The following KCNK9 variants were observed in gnomAD, a reference collection of about 807,000 sequenced individuals.
KCNK9 encodes potassium channel subfamily K member 9.
Under a neutral mutation model 10.8 loss-of-function variants are expected in KCNK9, and 1 was observed. The ratio of observed to expected loss-of-function variants is 0.09; its 90% CI spans 0.03 to 0.44. The LOEUF is 0.44. Ranked by LOEUF, KCNK9 falls within the 20% of genes least tolerant of loss-of-function variation. KCNK9 has a pLI of 0.97. For synonymous variants in KCNK9, 231 were observed against 222.7 expected (o/e 1.04, Z -0.33); for missense variants, 303 against 515.0 (o/e 0.59, Z 3.98).
rs760424204 is a variant in KCNK9, at chr8:139,679,167, G to A, written c.283+23543C>T. ...CAACGGGCCCAGCTAAAAATACCAG[G>A]AGTGGCCACGTGACCCACTTCCAGC... On this transcript the variant is annotated intron_variant, in intron 1 of 1. Transcript: ENST00000520439. Among the ~76,000 whole-genome samples, 173 of 152,218 alleles carry A rather than the reference G, an allele frequency of 1.1e-3. 4 individuals carry two copies. Among genetic ancestry groups the A allele is most frequent in the Non-Finnish European group, 4.0e-4 (27 of 68,036 alleles).
At chr8:139,626,701 C>T (rs1000961620) in intron 1 of KCNK9, among the ~76,000 whole-genome samples, 10 of 152,290 alleles carry the variant, frequency 6.6e-5, no homozygotes, top group African/African-American at 2.2e-4. Flanking sequence ...CTGCCCAGCA[C>T]CGGAAGGAGA....
In KCNK9 at chr8:139,618,129, G is replaced by T; in HGVS notation, c.*129C>A. The T allele has an allele frequency of 7.6e-7, 1 of 1,313,122 alleles. No individual in the cohort carries two copies. Among genetic ancestry groups the T allele is most frequent in the South Asian group, 1.3e-5 (1 of 76,006 alleles). 81.3% of individuals were successfully genotyped at this position (1,313,122 alleles called of 1,614,324 possible). ...AAAATGAGACCAAGAGACCAAGAAA[G>T]GAGGAAGGAGAGAAAGTAATAATGA... On this transcript the variant is annotated 3_prime_UTR_variant, in exon 2 of 2. Transcript: ENST00000520439. The surrounding 1 kb of genome is among the most constrained non-coding windows in gnomAD (Gnocchi z 7.9).
At chr8:139,634,482 C>T (rs1433281848) in intron 1 of KCNK9, among the ~76,000 whole-genome samples, 1 of 152,186 alleles carries the variant, frequency 6.6e-6, no homozygotes. Flanking sequence ...GCTGGCCCTG[C>T]AGGATGGCAC....
rs1247436713 is a variant in KCNK9, at chr8:139,693,701, C to A, written c.283+9009G>T. 6.6e-6 allele frequency among the ~76,000 whole-genome samples: 1 copy of A among 152,124 alleles called. No individual in the cohort carries two copies. The highest frequency in any genetic ancestry group is 2.4e-5 in the African/African-American group (1 of 41,418). On this transcript the variant is annotated intron_variant, in intron 1 of 1. Coordinates refer to ENST00000520439, the MANE Select transcript of KCNK9 (RefSeq NM_001282534.2). The surrounding 1 kb of genome is among the most constrained non-coding windows in gnomAD (Gnocchi z 4.1). ...AATTGGGGAAAAGAGGAAGGCAGAG[C>A]CGGACTCAGGGCAGAAGGTGTGGGA...
intron 1 of KCNK9, among the ~76,000 whole-genome samples, chr8:139,620,985 A>G (rs1814759282): frequency 6.6e-6 from 1 of 152,206 alleles, no homozygotes; most frequent in Admixed American, 6.5e-5. Flanking sequence ...ATAATGGCCA[A>G]AAGTAGCCAA....
intron 1 of KCNK9, among the ~76,000 whole-genome samples, 200 bp from the exon 2 acceptor site, chr8:139,619,299 T>C (rs1297976246): frequency 6.6e-6 from 1 of 151,236 alleles, no homozygotes; most frequent in Non-Finnish European, 1.5e-5. Context: ...AGAAGTCACA[T>C]GAGGTTAGGG....
chr8:139,626,598 G>A lies in KCNK9; in HGVS notation c.284-7499C>T, dbSNP rs533986063. Among the ~76,000 whole-genome samples the A allele has an allele frequency of 3.3e-5, 5 of 152,284 alleles. No homozygotes were observed. In the East Asian group the frequency reaches 9.7e-4, roughly 30 times the overall value. ...CTGTCACTGCAACCCCAGTCTCCCAGGGAGCCTGGCTATTCCAGGAGCTGG... is the reference window on the plus strand; with the variant it reads ...CTGTCACTGCAACCCCAGTCTCCCAAGGAGCCTGGCTATTCCAGGAGCTGG... On this transcript the variant is annotated intron_variant, in intron 1 of 1. Coordinates refer to ENST00000520439, the MANE Select transcript of KCNK9 (RefSeq NM_001282534.2).
chr8:139,669,108 C>G (rs1463386962), intron 1 of KCNK9, among the ~76,000 whole-genome samples: 4 of 112,238 alleles, frequency 3.6e-5, no homozygotes, highest in African/African-American at 1.2e-4. Flanking sequence ...ATTAAAAGTA[C>G]TCTACTGCTA....
At chr8:139,675,594 T>C (rs9324512) in intron 1 of KCNK9, among the ~76,000 whole-genome samples, 84,974 of 151,876 alleles carry the variant, frequency 0.56, 23,923 homozygotes, top group Admixed American at 0.6. Context: ...GATCTCAGCT[T>C]TCCAGCCTCC....
In KCNK9 at chr8:139,678,731, C is replaced by T. The variant is rs1032927053; in HGVS notation, c.283+23979G>A. 5.3e-5 allele frequency among the ~76,000 whole-genome samples: 8 copies of T among 152,212 alleles called. 1 individual carries two copies. The highest frequency in any genetic ancestry group is 1.2e-4 in the Non-Finnish European group (8 of 68,032). On this transcript the variant is annotated intron_variant, in intron 1 of 1. Transcript: ENST00000520439. The stretch of plus-strand genomic sequence containing the variant: ...TGGGTGGGCTGTTCTGGCCCCCAGA[C>T]CTCACCTGGCCAGGGCTGAAGGCCA...
At chr8:139,686,781 T>G (rs1023484895) in intron 1 of KCNK9, among the ~76,000 whole-genome samples, 1 of 152,232 alleles carries the variant, frequency 6.6e-6, no homozygotes, top group African/African-American at 2.4e-5. Context: ...ATGTGTGTTT[T>G]GTGTATAACT....
chr8:139,663,372 C>T (rs1816212345), intron 1 of KCNK9, among the ~76,000 whole-genome samples: 1 of 152,036 alleles, frequency 6.6e-6, no homozygotes, highest in Admixed American at 6.5e-5. Context: ...CAGGTGGTCA[C>T]ATGCTCTCGG....
Position 139,664,543 on chromosome 8 carries a change from G to A in KCNK9, c.283+38167C>T, listed in dbSNP as rs533394794. Among the ~76,000 whole-genome samples the A allele has an allele frequency of 5.9e-5, 9 of 152,092 alleles. No individual in the cohort carries two copies. In the South Asian group the frequency reaches 6.2e-4, roughly 11 times the overall value. ...GCCCCCCAACAAACCTAGTTTCACC[G>A]AATTGAGAATCCAGAAGACGCTTAG... On this transcript the variant is annotated intron_variant, in intron 1 of 1. Transcript: ENST00000520439.
In KCNK9 at chr8:139,683,079, A is replaced by T. The variant is rs112627466; in HGVS notation, c.283+19631T>A. The stretch of plus-strand genomic sequence containing the variant: ...TCCCTTCTAAATTTTAAAAAGCAAG[A>T]TCCCAGCTTACAGCAAATGTCCACC... On this transcript the variant is annotated intron_variant, in intron 1 of 1. Coordinates refer to ENST00000520439, the MANE Select transcript of KCNK9 (RefSeq NM_001282534.2). 5.8e-3 allele frequency among the ~76,000 whole-genome samples: 885 copies of T among 152,286 alleles called. 3 individuals carry two copies. The highest frequency in any genetic ancestry group is 0.017 in the Middle Eastern group (5 of 294).
rs372184565 is a variant in KCNK9, at chr8:139,649,295, T to C, written c.284-30196A>G. On this transcript the variant is annotated intron_variant, in intron 1 of 1. Coordinates refer to ENST00000520439, the MANE Select transcript of KCNK9 (RefSeq NM_001282534.2). ...GCCTGAGTGGCGCGTCAGAAGCGTGTATTTAATTATGTAAGCCCTGAAGCC... is the reference window on the plus strand; with the variant it reads ...GCCTGAGTGGCGCGTCAGAAGCGTGCATTTAATTATGTAAGCCCTGAAGCC... 1.1e-3 allele frequency among the ~76,000 whole-genome samples: 165 copies of C among 152,300 alleles called. 1 individual carries two copies. Among genetic ancestry groups the C allele is most frequent in the African/African-American group, 3.7e-3 (154 of 41,568 alleles).
At chr8:139,677,828 A>G (rs76091673) in intron 1 of KCNK9, among the ~76,000 whole-genome samples, 5 of 141,270 alleles carry the variant, frequency 3.5e-5, no homozygotes, top group African/African-American at 1.4e-4. Flanking sequence ...AGGTCCCCAC[A>G]GCTGCAGAGT....
downstream of KCNK9, chr8:139,612,058 T>C (rs571745178): frequency 6.6e-6 from 1 of 152,216 alleles, no homozygotes; most frequent in South Asian, 2.1e-4. Context: ...GAAGAGGACA[T>C]CGCCAAGTCC....
chr8:139,693,647 C>G lies in KCNK9; in HGVS notation c.283+9063G>C, dbSNP rs1447179674. ...CACAGTGGGCTGGGGAGCAAAGAAA[C>G]AAGTCCTTTGCTCAAGAGGATAAAG... On this transcript the variant is annotated intron_variant, in intron 1 of 1. Coordinates refer to ENST00000520439, the MANE Select transcript of KCNK9 (RefSeq NM_001282534.2). The surrounding 1 kb of genome is among the most constrained non-coding windows in gnomAD (Gnocchi z 4.1). Among the ~76,000 whole-genome samples the G allele has an allele frequency of 6.6e-6, 1 of 152,106 alleles. No homozygotes were observed. The highest frequency in any genetic ancestry group is 1.5e-5 in the Non-Finnish European group (1 of 68,038).
intron 1 of KCNK9, among the ~76,000 whole-genome samples, chr8:139,628,479 A>G (rs960855656): frequency 6.6e-6 from 1 of 152,146 alleles, no homozygotes; most frequent in African/African-American, 2.4e-5. Context: ...AGATGGGAAC[A>G]CTGAGGCCCT....
Sources: allele counts gnomAD v4.1 joint callset (sites outside exome capture counted in the v4.1 genomes callset), GRCh38; gene constraint gnomAD v4.1.1; non-coding constraint Gnocchi (gnomAD v3.1); transcripts MANE v1.5; gene names NCBI Gene and HGNC (gene_info 2026-07-23, HGNC 2026-07-21).